The following MIGA1 variants were observed in gnomAD, a reference collection of about 807,000 sequenced individuals.
MIGA1 encodes the protein family with sequence similarity 73, member A.
A neutral mutation model predicts 82.0 loss-of-function variants in MIGA1; 58 were observed. That is an observed-to-expected ratio of 0.71 (90% confidence interval 0.57 to 0.88). The LOEUF (loss-of-function observed/expected upper bound fraction) is 0.88. MIGA1 is among the 40% of genes least tolerant of loss of function. The pLI is 0.00. For synonymous variants in MIGA1, 249 were observed against 253.6 expected (o/e 0.98, Z 0.17); for missense variants, 751 against 749.1 (o/e 1.00, Z -0.03).
chr1:77,850,763 AAC>A (rs1331548120), intron 8 of MIGA1, among the ~76,000 whole-genome samples: 1 of 152,172 alleles, frequency 6.6e-6, no homozygotes, highest in East Asian at 1.9e-4. Flanking sequence ...CTAATCCCCA[AAC>A]ACAGTTTTCA....
chr1:77,869,701 ACCC>A (rs1232539148), intron 14 of MIGA1, among the ~76,000 whole-genome samples: 1 of 66,300 alleles, frequency 1.5e-5, no homozygotes, highest in African/African-American at 6.2e-5. Context: ...CGGGGGGCTG[ACCC>A]CCCCACCTCC....
At position 77,813,838 on chromosome 1, in the gene MIGA1, G is replaced by A. The variant is rs1288784909; in HGVS notation, c.742G>A (p.Gly248Arg). The change falls in exon 6 of 16, where the codon GGA (glycine) becomes AGA (arginine). Residue 248 changes from glycine to arginine, a missense_variant. Transcript: ENST00000370791. ...CTGTGGTTCCATTAAACTGGGTGCA[G>A]GAGATGCCATTGCTGAAGAAAATGT... 1 of 1,614,116 alleles carries A rather than the reference G, an allele frequency of 6.2e-7. No individual in the cohort carries two copies. The highest frequency in any genetic ancestry group is 1.7e-5 in the Admixed American group (1 of 60,012).
intron 2 of MIGA1, among the ~76,000 whole-genome samples, chr1:77,795,648 T>G (rs77161204): frequency 4.0e-5 from 6 of 151,168 alleles, no homozygotes; most frequent in African/African-American, 1.5e-4. Flanking sequence ...TTTTTTTTTT[T>G]GGAGAGATTC....
chr1:77,866,486 T>TGTAGGAGGG, intron 14 of MIGA1, 95 bp downstream of exon 14: 1 of 1,157,208 alleles, frequency 8.6e-7, no homozygotes, highest in South Asian at 1.2e-5. Flanking sequence ...AATTGGCAGC[T>TGTAGGAGGG]GTAGGAGGGG....
At chr1:77,799,767 C>T (rs1682799074) in intron 2 of MIGA1, among the ~76,000 whole-genome samples, 1 of 150,578 alleles carries the variant, frequency 6.6e-6, no homozygotes, top group South Asian at 2.1e-4. Context: ...AATGACTCCT[C>T]CTCTTTTTTT....
intron 1 of MIGA1, among the ~76,000 whole-genome samples, chr1:77,781,008 G>C (rs1681887902): frequency 1.3e-5 from 2 of 150,832 alleles, no homozygotes; most frequent in South Asian, 4.2e-4. Context: ...TAGGGTTCTA[G>C]AAGTTCTCCT....
At chr1:77,831,838 AG>A (rs1684256972) in intron 7 of MIGA1, among the ~76,000 whole-genome samples, 1 of 152,356 alleles carries the variant, frequency 6.6e-6, no homozygotes, top group Admixed American at 6.5e-5. Flanking sequence ...GCTTAAGCCC[AG>A]GAAGTTTAGG....
At chr1:77,844,674 A>G (rs1028422506) in intron 8 of MIGA1, among the ~76,000 whole-genome samples, 2 of 152,018 alleles carry the variant, frequency 1.3e-5, no homozygotes, top group East Asian at 3.9e-4. Flanking sequence ...CTCTTTTTTC[A>G]TAGAAATAGT....
At position 77,803,465 on chromosome 1, in the gene MIGA1, ATTAG is replaced by A. The variant is rs921209914; in HGVS notation, c.510+62_510+65del. The A allele has an allele frequency of 1.7e-5, 13 of 765,054 alleles. No individual in the cohort carries two copies. The Admixed American group carries it at 3.0e-4, about 18-fold the overall frequency. 47.4% of individuals were successfully genotyped at this position (765,054 alleles called of 1,614,324 possible). The stretch of plus-strand genomic sequence containing the variant: ...TTTGTTTATATGTCTTCTGTGATCT[ATTAG>A]TTTAAGTGTCATATACTTATAGTTC... On this transcript the variant is annotated intron_variant, in intron 4 of 15. Transcript: ENST00000370791.
intron 12 of MIGA1, 166 bp downstream of exon 12, chr1:77,861,488 G>T: frequency 5.8e-6 from 3 of 521,244 alleles, no homozygotes; most frequent in South Asian, 2.8e-5. Context: ...TGTACGTTGG[G>T]GCAGTAGTTG....
intron 2 of MIGA1, among the ~76,000 whole-genome samples, chr1:77,800,481 G>A (rs1682833045): frequency 6.6e-6 from 1 of 152,106 alleles, no homozygotes; most frequent in African/African-American, 2.4e-5. Flanking sequence ...TTTTGTTGTT[G>A]GAGGGTTGAA....
intron 7 of MIGA1, among the ~76,000 whole-genome samples, chr1:77,842,542 G>GT (rs919973618): frequency 2.5e-4 from 38 of 151,802 alleles, no homozygotes; most frequent in African/African-American, 7.5e-4. Flanking sequence ...TTCTTGAATT[G>GT]TTTTTTTTTG....
chr1:77,838,151 G>C (rs1044241266), intron 7 of MIGA1, among the ~76,000 whole-genome samples: 1 of 152,052 alleles, frequency 6.6e-6, no homozygotes, highest in Non-Finnish European at 1.5e-5. Flanking sequence ...TAAATCCTTA[G>C]AGGAAAGTGC....
At chr1:77,819,161 A>G (rs77722091) in intron 7 of MIGA1, among the ~76,000 whole-genome samples, 1,912 of 151,806 alleles carry the variant, frequency 0.013, 32 homozygotes, top group African/African-American at 0.044. Flanking sequence ...TATCATCCCT[A>G]TTTTTCAGAT....
chr1:77,786,093 C>T (rs1682149370), intron 2 of MIGA1, among the ~76,000 whole-genome samples: 1 of 152,250 alleles, frequency 6.6e-6, no homozygotes, highest in African/African-American at 2.4e-5. Context: ...TTTCTGTGCA[C>T]TGGCAGCCTC....
intron 1 of MIGA1, chr1:77,780,153 G>T: frequency 1.0e-6 from 1 of 990,210 alleles, no homozygotes; most frequent in South Asian, 4.6e-5. Context: ...GGAGAGCTCC[G>T]CGAGGGGCTG....
intron 6 of MIGA1, 144 bp downstream of exon 6, chr1:77,814,011 C>T: frequency 1.3e-6 from 1 of 784,092 alleles, no homozygotes; most frequent in Non-Finnish European, 2.0e-6. Context: ...CCGCCTTGTC[C>T]TCTGAGTAAT....
Position 77,811,766 on chromosome 1 carries a change from G to A in MIGA1, c.638-1968G>A, listed in dbSNP as rs1044458901. The A allele has an allele frequency of 3.6e-5, 57 of 1,598,988 alleles. No individual in the cohort carries two copies. The Middle Eastern group carries it at 6.8e-4, about 19-fold the overall frequency. On this transcript the variant is annotated intron_variant, in intron 5 of 15. Transcript: ENST00000370791. ...GCGCCCCAGCGCTGCAGCAGACTCCGGGTCACCTCCGACATGGCCGGTCCC... is the reference window on the plus strand; with the variant it reads ...GCGCCCCAGCGCTGCAGCAGACTCCAGGTCACCTCCGACATGGCCGGTCCC...
chr1:77,820,911 C>T (rs1169529661), intron 7 of MIGA1, among the ~76,000 whole-genome samples: 1 of 151,776 alleles, frequency 6.6e-6, no homozygotes, highest in Non-Finnish European at 1.5e-5. Context: ...AGGCAGGTGG[C>T]TCACCTGAGG....
Sources: allele counts gnomAD v4.1 joint callset (sites outside exome capture counted in the v4.1 genomes callset), GRCh38; gene constraint gnomAD v4.1.1; transcripts MANE v1.5; gene names NCBI Gene and HGNC (gene_info 2026-07-23, HGNC 2026-07-21).